Variants in DIP2C observed in about 807,000 individuals in gnomAD.
The protein encoded by DIP2C is disco-interacting protein 2 homolog C.
In DIP2C, 33 loss-of-function variants were observed where a neutral mutation model predicts 192.4. The ratio of observed to expected loss-of-function variants is 0.17; its 90% confidence interval spans 0.13 to 0.23. The LOEUF (loss-of-function observed/expected upper bound fraction) is 0.23. DIP2C is among the 10% of genes least tolerant of loss of function. The pLI is 1.00. For synonymous variants in DIP2C, 979 were observed against 864.1 expected (o/e 1.13, Z -2.33); for missense variants, 1,537 against 2,110.1 (o/e 0.73, Z 5.32).
chr10:467,642 T>C (rs1252046588), intron 3 of DIP2C, among the ~76,000 whole-genome samples: 1 of 150,752 alleles, frequency 6.6e-6, no homozygotes, highest in Non-Finnish European at 1.5e-5. Flanking sequence ...GGTAAATTCA[T>C]GTCCTTTGCA....
intron 34 of DIP2C, among the ~76,000 whole-genome samples, chr10:285,458 G>A (rs3125028): frequency 0.77 from 117,303 of 152,184 alleles, 46,288 homozygotes; most frequent in Non-Finnish European, 0.85. Context: ...TTTGTCCAAC[G>A]GCACGGCAGG....
chr10:414,739 G>GTGTGTGTGTGTATATATATATA lies in DIP2C; in HGVS notation c.860-630_860-629insTATATATATATACACACACACA. Among the ~76,000 whole-genome samples, 48 of 90,530 alleles carry GTGTGTGTGTGTATATATATATA rather than the reference G, an allele frequency of 5.3e-4. 3 individuals carry two copies. The highest frequency in any genetic ancestry group is 6.3e-3 in the Middle Eastern group (1 of 158). 59.4% of individuals were successfully genotyped at this position (90,530 alleles called of 152,430 possible). On this transcript the variant is annotated intron_variant, in intron 7 of 36. Coordinates refer to ENST00000280886, the MANE Select transcript of DIP2C (RefSeq NM_014974.3). ...TGTGTGTGTGTGTGTGTGTGTGTGT[G>GTGTGTGTGTGTATATATATATA]TACATATATATATATATAATGTGTA...
intron 2 of DIP2C, among the ~76,000 whole-genome samples, chr10:481,710 G>A (rs1226324257): frequency 2.0e-5 from 3 of 152,148 alleles, no homozygotes; most frequent in African/African-American, 7.2e-5. Flanking sequence ...CCTGTTCAGG[G>A]CTTCACGTGG....
intron 31 of DIP2C, among the ~76,000 whole-genome samples, chr10:318,459 A>G (rs9804310): frequency 0.19 from 28,471 of 152,206 alleles, 3,025 homozygotes; most frequent in African/African-American, 0.28. Context: ...GTCCAGGAAC[A>G]AGGTCAGCAG....
At chr10:430,089 T>C (rs1667807658) in intron 4 of DIP2C, 2 of 152,174 alleles carry the variant, frequency 1.3e-5, no homozygotes, top group South Asian at 2.1e-4. Context: ...TTCTAATAGG[T>C]GTATAGTGGT....
intron 10 of DIP2C, among the ~76,000 whole-genome samples, chr10:393,736 G>A (rs532210186): frequency 3.2e-5 from 4 of 125,314 alleles, no homozygotes; most frequent in Non-Finnish European, 4.7e-5. Context: ...CAGAGATTGC[G>A]TCACTGCACT....
intron 1 of DIP2C, among the ~76,000 whole-genome samples, chr10:661,299 T>A (rs1204357551): frequency 6.6e-6 from 1 of 152,188 alleles, no homozygotes; most frequent in South Asian, 2.1e-4. Context: ...TTCTTCCGTG[T>A]ACCTTTGCCC....
intron 8 of DIP2C, 122 bp downstream of exon 8, chr10:413,791 G>GGGCAGAGGGTTAGCCTC: frequency 7.8e-7 from 1 of 1,280,250 alleles, no homozygotes; most frequent in Non-Finnish European, 1.1e-6. Context: ...CGTGGGCAAA[G>GGGCAGAGGGTTAGCCTC]GGCAGAGGGT....
chr10:392,765 CTT>C (rs542705039), intron 10 of DIP2C, among the ~76,000 whole-genome samples: 79 of 151,212 alleles, frequency 5.2e-4, no homozygotes, highest in Admixed American at 1.4e-3. Context: ...CACACACACA[CTT>C]AACACTCTCA....
intron 31 of DIP2C, chr10:324,722 T>C (rs1430636480): frequency 6.6e-6 from 2 of 301,506 alleles, no homozygotes; most frequent in Admixed American, 4.2e-5. Context: ...CTATTAAGAA[T>C]ACAGAACCGT....
chr10:660,809 C>A (rs1274799582), intron 1 of DIP2C, among the ~76,000 whole-genome samples: 1 of 152,176 alleles, frequency 6.6e-6, no homozygotes, highest in Non-Finnish European at 1.5e-5. Context: ...CAACGGGATC[C>A]ACTATGAGGT....
Position 367,990 on chromosome 10 carries a change from C to G in DIP2C, c.2131+1504G>C, listed in dbSNP as rs1296963268. ...GCCTCCGACGGGGGCCCGGGAAGCC[C>G]GCGGTTGCTCTCACTGCTGCACAGC... is the stretch of plus-strand genomic sequence containing the variant. On this transcript the variant is annotated intron_variant, in intron 18 of 36. Coordinates refer to ENST00000280886, the MANE Select transcript of DIP2C (RefSeq NM_014974.3). Among the ~76,000 whole-genome samples, 6 of 26,020 alleles carry G rather than the reference C, an allele frequency of 2.3e-4. 1 individual carries two copies. Among genetic ancestry groups the G allele is most frequent in the African/African-American group, 5.8e-4 (5 of 8,652 alleles). 17.1% of individuals were successfully genotyped at this position (26,020 alleles called of 152,430 possible).
intron 8 of DIP2C, among the ~76,000 whole-genome samples, chr10:412,338 G>A (rs929149063): frequency 1.6e-4 from 25 of 152,186 alleles, no homozygotes; most frequent in Admixed American, 1.4e-3. Flanking sequence ...GGAATTCCCC[G>A]CATGTAGGCG....
At chr10:327,261 G>A (rs563753262) in intron 30 of DIP2C, 85 bp from the exon 31 acceptor site, 27 of 1,462,362 alleles carry the variant, frequency 1.8e-5, no homozygotes, top group African/African-American at 2.8e-5. Context: ...AGATCCCCAC[G>A]TAAACATTGG....
chr10:590,967 G>A (rs554417591), intron 1 of DIP2C, among the ~76,000 whole-genome samples: 33 of 152,256 alleles, frequency 2.2e-4, no homozygotes, highest in African/African-American at 6.7e-4. Flanking sequence ...TTCTTCTGCC[G>A]GTGGCAAGGC....
At chr10:474,017 C>T (rs1588218686) in intron 2 of DIP2C, among the ~76,000 whole-genome samples, 1 of 152,284 alleles carries the variant, frequency 6.6e-6, no homozygotes, top group South Asian at 2.1e-4. Flanking sequence ...GCATCCAAAT[C>T]ACCATCAGTT....
At chr10:532,476 C>T (rs1440163871) in intron 1 of DIP2C, among the ~76,000 whole-genome samples, 1 of 152,194 alleles carries the variant, frequency 6.6e-6, no homozygotes, top group Non-Finnish European at 1.5e-5. Context: ...TGTTTTTCCA[C>T]TGAGAAGACC....
chr10:548,888 T>C (rs1245452025), intron 1 of DIP2C, among the ~76,000 whole-genome samples: 3 of 80,558 alleles, frequency 3.7e-5, no homozygotes, highest in Middle Eastern at 0.02. Context: ...GAACAGTGCA[T>C]TGCAGGAAAA....
Position 652,456 on chromosome 10 carries a change from G to C in DIP2C, c.85+37038C>G, listed in dbSNP as rs1365904733. 6.4e-6 allele frequency: 1 copy of C among 156,968 alleles called. No homozygotes were observed. The highest frequency in any genetic ancestry group is 1.4e-5 in the Non-Finnish European group (1 of 70,538). The allele number at this position is 156,968 out of a possible 1,614,324, so 9.7% of individuals were successfully genotyped here. A position where few individuals can be genotyped will look rare whatever the true frequency, so the allele number is the denominator to read the frequency against. ...CCTCAGGCTGGCCCAAGAATAGCCT[G>C]GACAATCACCTGCTGGGGACACCGG... is the stretch of plus-strand genomic sequence containing the variant. On this transcript the variant is annotated intron_variant, in intron 1 of 36. Coordinates refer to ENST00000280886, the MANE Select transcript of DIP2C (RefSeq NM_014974.3). This position sits in a 1 kb window ranked among gnomAD's most constrained non-coding sequence, Gnocchi z 4.5.
Sources: gnomAD v4.1 joint callset for allele counts (sites outside exome capture counted in the v4.1 genomes callset) on GRCh38, gnomAD v4.1.1 for gene constraint, Gnocchi (gnomAD v3.1) non-coding constraint, MANE v1.5 for transcripts, NCBI Gene and HGNC (gene_info 2026-07-23, HGNC 2026-07-21) for gene names.